Variants in MEI4 observed in about 807,000 individuals in gnomAD.
MEI4 encodes meiosis-specific protein MEI4.
Under a neutral mutation model 31.4 loss-of-function variants are expected in MEI4, and 27 were observed. The ratio of observed to expected loss-of-function variants is 0.86; its 90% confidence interval spans 0.63 to 1.19. The LOEUF (loss-of-function observed/expected upper bound fraction) is 1.19, where lower values mean the gene tolerates loss of function less well. Ranked by LOEUF, MEI4 falls within the 50% of genes most tolerant of loss-of-function variation. The pLI, the probability that MEI4 is intolerant of heterozygous loss-of-function variation, is 0.00. For missense variants in MEI4, 329 were observed against 398.9 expected (o/e 0.82, Z 1.49); for synonymous variants, 122 against 145.4 (o/e 0.84, Z 1.16).
At chr6:77,731,614 C>T (rs1766994795) in intron 2 of MEI4, among the ~76,000 whole-genome samples, 1 of 151,416 alleles carries the variant, frequency 6.6e-6, no homozygotes, top group Non-Finnish European at 1.5e-5. Flanking sequence ...TTTTGCTGTG[C>T]AGAAGCTCTT....
intron 4 of MEI4, among the ~76,000 whole-genome samples, chr6:77,854,820 C>T (rs1249683010): frequency 6.6e-6 from 1 of 152,082 alleles, no homozygotes; most frequent in Non-Finnish European, 1.5e-5. Context: ...AAGCAACCGT[C>T]TGGTATAGGT....
chr6:77,666,726 T>G (rs1768640978), intron 1 of MEI4, among the ~76,000 whole-genome samples: 1 of 151,796 alleles, frequency 6.6e-6, no homozygotes. Flanking sequence ...TTGAAATGAT[T>G]TTTTATGGTG....
At position 77,697,814 on chromosome 6, in the gene MEI4, G is replaced by A. The variant is rs9448168; in HGVS notation, c.232+6911G>A. ...GATACAGAGCTGAGTTCAATTCCTG[G>A]GTATCCTTGTTAACTTTCTGTCTCA... On this transcript the variant is annotated intron_variant, in intron 2 of 4. Transcript: ENST00000684080. Among the ~76,000 whole-genome samples, 1,058 of 152,154 alleles carry A rather than the reference G, an allele frequency of 7.0e-3. 13 individuals carry two copies. The highest frequency in any genetic ancestry group is 0.024 in the African/African-American group (999 of 41,530).
chr6:77,652,229 G>A (rs1768311568), upstream of MEI4, among the ~76,000 whole-genome samples: 1 of 152,154 alleles, frequency 6.6e-6, no homozygotes, highest in Non-Finnish European at 1.5e-5. Flanking sequence ...ATAATGACGA[G>A]ATACTAATGG....
chr6:77,769,521 T>C (rs1298951354), intron 3 of MEI4, among the ~76,000 whole-genome samples: 1 of 152,106 alleles, frequency 6.6e-6, no homozygotes, highest in Non-Finnish European at 1.5e-5. Flanking sequence ...AGATACCAGC[T>C]GAGACAACCA....
At chr6:77,788,844 A>G (rs968892115) in intron 3 of MEI4, among the ~76,000 whole-genome samples, 1 of 152,198 alleles carries the variant, frequency 6.6e-6, no homozygotes, top group African/African-American at 2.4e-5. Context: ...TAATTTACAG[A>G]TTCAATGCCA....
chr6:77,720,461 A>G (rs1480744572), intron 2 of MEI4, among the ~76,000 whole-genome samples: 1 of 102,906 alleles, frequency 9.7e-6, no homozygotes, highest in African/African-American at 4.0e-5. Context: ...GTTTTTTAAC[A>G]TGGGAAGTAC....
chr6:77,734,445 G>A (rs1211575202), intron 2 of MEI4, among the ~76,000 whole-genome samples: 1 of 151,942 alleles, frequency 6.6e-6, no homozygotes, highest in Admixed American at 6.6e-5. Context: ...TTTTATCAGA[G>A]ACTAGGATTG....
intron 4 of MEI4, among the ~76,000 whole-genome samples, chr6:77,875,383 C>T (rs184514584): frequency 9.2e-5 from 14 of 152,220 alleles, no homozygotes; most frequent in South Asian, 6.2e-4. Context: ...TAATGTTATG[C>T]GAATGAATGA....
chr6:77,862,590 G>T (rs1003595882), intron 4 of MEI4, among the ~76,000 whole-genome samples: 22 of 152,310 alleles, frequency 1.4e-4, no homozygotes, highest in African/African-American at 5.3e-4. Flanking sequence ...GCTCTAACTG[G>T]GGGGAGCCCA....
At chr6:77,850,644 A>G (rs561287414) in intron 4 of MEI4, among the ~76,000 whole-genome samples, 3 of 152,216 alleles carry the variant, frequency 2.0e-5, no homozygotes, top group Non-Finnish European at 4.4e-5. Flanking sequence ...TTCAAGATGG[A>G]TTAAATATTT....
chr6:77,717,310 C>T (rs906124717), intron 2 of MEI4, among the ~76,000 whole-genome samples: 1 of 34,978 alleles, frequency 2.9e-5, no homozygotes, highest in Admixed American at 3.2e-4. Flanking sequence ...TATTGCTGCC[C>T]GCAGGTCCCA....
intron 2 of MEI4, among the ~76,000 whole-genome samples, chr6:77,756,880 G>A (rs1375060569): frequency 6.6e-6 from 1 of 152,168 alleles, no homozygotes; most frequent in South Asian, 2.1e-4. Context: ...TGCTACAGAT[G>A]ATTCTATTGT....
Position 77,923,572 on chromosome 6 carries a change from C to T in MEI4, c.*226C>T. ...TTCGGTTGGTAATGCCATCCTTATT[C>T]CCATGTAACTGTATCTTATTTCACT... On this transcript the variant is annotated 3_prime_UTR_variant, in exon 5 of 5. Coordinates refer to ENST00000684080, the MANE Select transcript of MEI4 (RefSeq NM_001322247.2). 1 of 308,890 alleles carries T rather than the reference C, an allele frequency of 3.2e-6. No homozygotes were observed. The highest frequency in any genetic ancestry group is 5.0e-5 in the Admixed American group (1 of 19,936). The allele number at this position is 308,890 out of a possible 1,614,324, so 19.1% of individuals were successfully genotyped here. A position where few individuals can be genotyped will look rare whatever the true frequency, so the allele number is the denominator to read the frequency against.
intron 2 of MEI4, among the ~76,000 whole-genome samples, chr6:77,735,004 G>A (rs543984871): frequency 1.8e-4 from 27 of 152,148 alleles, no homozygotes; most frequent in South Asian, 4.1e-4. Flanking sequence ...CGAGAGATCC[G>A]CTGTTAGTCT....
At chr6:77,733,975 G>C (rs1176169428) in intron 2 of MEI4, among the ~76,000 whole-genome samples, 1 of 152,072 alleles carries the variant, frequency 6.6e-6, no homozygotes. Flanking sequence ...TAGTTTGATT[G>C]CACTGTGGTC....
At chr6:77,767,165 A>T (rs1277848073) in intron 3 of MEI4, among the ~76,000 whole-genome samples, 1 of 151,300 alleles carries the variant, frequency 6.6e-6, no homozygotes, top group Non-Finnish European at 1.5e-5. Flanking sequence ...GTGGATCATG[A>T]GGTCAATAGA....
At chr6:77,851,406 C>A (rs1427901972) in intron 4 of MEI4, among the ~76,000 whole-genome samples, 2 of 151,918 alleles carry the variant, frequency 1.3e-5, no homozygotes, top group Middle Eastern at 3.2e-3. Flanking sequence ...CAATGATAGA[C>A]TGGATTAAGA....
intron 1 of MEI4, among the ~76,000 whole-genome samples, chr6:77,657,603 T>TG (rs1768421379): frequency 1.3e-5 from 2 of 152,016 alleles, no homozygotes; most frequent in Admixed American, 6.6e-5. Flanking sequence ...CACTTGGATT[T>TG]TTTTTTTTAC....
Sources: gnomAD v4.1 joint callset for allele counts (sites outside exome capture counted in the v4.1 genomes callset) on GRCh38, gnomAD v4.1.1 for gene constraint, MANE v1.5 for transcripts, NCBI Gene and HGNC (gene_info 2026-07-23, HGNC 2026-07-21) for gene names.